HECW1: variants seen among roughly 807,000 people sequenced by gnomAD.
HECW1 encodes E3 ubiquitin-protein ligase HECW1.
HECW1 carries 61 observed loss-of-function variants against 182.3 expected under a neutral mutation model. The ratio of observed to expected loss-of-function variants is 0.33; its 90% CI spans 0.27 to 0.41. The LOEUF (loss-of-function observed/expected upper bound fraction) is 0.41, where lower values mean the gene tolerates loss of function less well. HECW1 is among the 10% of genes least tolerant of loss of function. HECW1 has a pLI of 1.00. For missense variants in HECW1, 1,739 were observed against 2,108.9 expected (o/e 0.82, Z 3.44); for synonymous variants, 859 against 832.6 (o/e 1.03, Z -0.55).
chr7:43,319,596 C>CTTTTTTTTTTTTTTT (rs1554355859), intron 4 of HECW1, among the ~76,000 whole-genome samples: 1 of 67,078 alleles, frequency 1.5e-5, no homozygotes, highest in African/African-American at 1.0e-4. Context: ...CCTTTCTTTT[C>CTTTTTTTTTTTTTTT]TTTTCTTTTT....
intron 5 of HECW1, among the ~76,000 whole-genome samples, chr7:43,324,725 A>G (rs970629802): frequency 8.5e-5 from 13 of 152,366 alleles, no homozygotes; most frequent in Middle Eastern, 3.4e-3. Context: ...TAATTTTGTA[A>G]ACATTAAAAA....
At chr7:43,422,798 G>A (rs1228202525) in intron 8 of HECW1, among the ~76,000 whole-genome samples, 1 of 152,186 alleles carries the variant, frequency 6.6e-6, no homozygotes, top group Non-Finnish European at 1.5e-5. Flanking sequence ...TTATTAGAAA[G>A]GGAAATTGCC....
chr7:43,520,325 G>A (rs894875475), intron 24 of HECW1, among the ~76,000 whole-genome samples: 4 of 151,920 alleles, frequency 2.6e-5, no homozygotes, highest in Admixed American at 6.6e-5. Context: ...TACTGTCTAC[G>A]AAATGGAGTC....
chr7:43,141,709 G>T (rs1223790393), intron 2 of HECW1, among the ~76,000 whole-genome samples: 2 of 152,112 alleles, frequency 1.3e-5, no homozygotes, highest in African/African-American at 2.4e-5. Flanking sequence ...TGTTGGTCAG[G>T]CTGGTCTTGA....
intron 9 of HECW1, among the ~76,000 whole-genome samples, chr7:43,441,790 T>C (rs1200454887): frequency 6.6e-6 from 1 of 152,350 alleles, no homozygotes; most frequent in East Asian, 1.9e-4. Flanking sequence ...TGCTACAAAA[T>C]GTTACTCTTC....
chr7:43,245,473 T>C (rs1799300210), intron 3 of HECW1: 1 of 152,260 alleles, frequency 6.6e-6, no homozygotes, highest in Non-Finnish European at 1.5e-5. Flanking sequence ...CTCTTTCTTC[T>C]TTCCAGGACT....
intron 3 of HECW1, among the ~76,000 whole-genome samples, chr7:43,308,098 GTTATATATAATATAACATATAATATAT>G (rs1807895849): frequency 1.1e-5 from 1 of 94,382 alleles, no homozygotes; most frequent in South Asian, 2.8e-4. Context: ...TATTATATAT[GTTATATATAATATAACATATAATATAT>G]TTATATATAA....
chr7:43,346,544 T>C (rs1426805225), intron 5 of HECW1, among the ~76,000 whole-genome samples: 1 of 152,152 alleles, frequency 6.6e-6, no homozygotes, highest in Non-Finnish European at 1.5e-5. Context: ...TGCTTTTGGG[T>C]TCTTGGTCGT....
chr7:43,290,141 G>A (rs969671351), intron 3 of HECW1, among the ~76,000 whole-genome samples: 1 of 152,180 alleles, frequency 6.6e-6, no homozygotes. Flanking sequence ...GAAAGTGAAG[G>A]CCTGTCTGCA....
intron 2 of HECW1, among the ~76,000 whole-genome samples, chr7:43,158,577 A>G (rs1790148853): frequency 6.6e-6 from 1 of 152,270 alleles, no homozygotes; most frequent in East Asian, 1.9e-4. Context: ...AAAACTGGAT[A>G]TTTCATGAAC....
intron 24 of HECW1, among the ~76,000 whole-genome samples, chr7:43,538,917 G>A (rs1351645389): frequency 1.3e-5 from 2 of 152,154 alleles, no homozygotes; most frequent in East Asian, 1.9e-4. Context: ...TGCTGAGATA[G>A]ATGTGCTTTA....
intron 8 of HECW1, among the ~76,000 whole-genome samples, chr7:43,427,387 T>G (rs1469446583): frequency 1.3e-5 from 2 of 152,182 alleles, no homozygotes; most frequent in African/African-American, 2.4e-5. Flanking sequence ...CCTTTTAACC[T>G]AGTACTTCTC....
intron 2 of HECW1, among the ~76,000 whole-genome samples, chr7:43,120,179 T>A (rs1297383859): frequency 6.6e-6 from 1 of 152,180 alleles, no homozygotes; most frequent in Non-Finnish European, 1.5e-5. Flanking sequence ...GGGCTTGCCT[T>A]GCCACTCTCC....
intron 13 of HECW1, among the ~76,000 whole-genome samples, chr7:43,457,373 GA>G (rs1435289530): frequency 1.3e-5 from 2 of 152,220 alleles, no homozygotes; most frequent in Admixed American, 6.5e-5. Context: ...AGACGAAAAA[GA>G]ATGAAGAACT....
At chr7:43,259,611 A>G (rs1451118763) in intron 3 of HECW1, among the ~76,000 whole-genome samples, 1 of 152,246 alleles carries the variant, frequency 6.6e-6, no homozygotes. Flanking sequence ...GGGGATTACA[A>G]CAGAGAAATG....
intron 2 of HECW1, among the ~76,000 whole-genome samples, chr7:43,161,127 T>C (rs1384715621): frequency 1.3e-5 from 2 of 152,158 alleles, no homozygotes; most frequent in South Asian, 2.1e-4. Context: ...TGGAACTGTG[T>C]GTCATGACTG....
At chr7:43,335,950 C>A (rs1347647797) in intron 5 of HECW1, among the ~76,000 whole-genome samples, 1 of 144,058 alleles carries the variant, frequency 6.9e-6, no homozygotes, top group Non-Finnish European at 1.5e-5. Context: ...TTCTTTCTTT[C>A]TCTCTCCTTC....
chr7:43,478,010 GA>G (rs35466782), intron 16 of HECW1, among the ~76,000 whole-genome samples: 1 of 151,484 alleles, frequency 6.6e-6, no homozygotes, highest in Non-Finnish European at 1.5e-5. Context: ...GGGTTTTGTT[GA>G]AAAAAAAGGT....
rs1189954552 is a variant in HECW1, at chr7:43,507,146, G to C, written c.3641G>C (p.Arg1214Thr). The change falls in exon 22 of 30, where the codon AGA becomes ACA. Residue 1214 changes from arginine (R) to threonine (T), a missense_variant. By Grantham distance (71) the Arg-to-Thr change is moderately conservative. Coordinates refer to ENST00000395891, the MANE Select transcript of HECW1 (RefSeq NM_015052.5). ...SSPQNSPGLQ[R>T]ASARAPSPYR... ...GTGCTTCTCTCTGCAGGTTTACAGA[G>C]AGCCAGTGCAAGAGCCCCTTCCCCC... 3 of 1,613,794 alleles carry C rather than the reference G, an allele frequency of 1.9e-6. No individual in the cohort carries two copies. The highest frequency in any genetic ancestry group is 4.5e-5 in the East Asian group (2 of 44,860).
Sources: gnomAD v4.1 joint callset for allele counts (sites outside exome capture counted in the v4.1 genomes callset) on GRCh38, gnomAD v4.1.1 for gene constraint, MANE v1.5 for transcripts, NCBI Gene and HGNC (gene_info 2026-07-23, HGNC 2026-07-21) for gene names.